FBXW7: variants seen among roughly 807,000 people sequenced by gnomAD.
The protein encoded by FBXW7 is F-box and WD repeat domain containing 7, also known as F-box/WD repeat-containing protein 7.
A neutral mutation model predicts 86.3 loss-of-function variants in FBXW7; 11 were observed. The observed-to-expected ratio is 0.13, with a 90% CI of 0.08 to 0.21. The LOEUF (loss-of-function observed/expected upper bound fraction) is 0.21. Ranked by LOEUF, FBXW7 falls within the 10% of genes least tolerant of loss-of-function variation. The pLI is 1.00. For synonymous variants in FBXW7, 313 were observed against 297.9 expected (o/e 1.05, Z -0.52); for missense variants, 488 against 847.4 (o/e 0.58, Z 5.27).
chr4:152,510,444 C>G (rs1328122339), intron 2 of FBXW7, among the ~76,000 whole-genome samples: 1 of 152,122 alleles, frequency 6.6e-6, no homozygotes, highest in East Asian at 1.9e-4. Flanking sequence ...TCAAAACTTA[C>G]GTATTATCAA....
chr4:152,484,954 T>A, intron 2 of FBXW7, among the ~76,000 whole-genome samples: 1 of 125,154 alleles, frequency 8.0e-6, no homozygotes, highest in African/African-American at 3.7e-5. Context: ...AGAGCGAGAC[T>A]CTGTCTCAAA....
chr4:152,454,219 T>G (rs940018421), intron 2 of FBXW7, among the ~76,000 whole-genome samples: 1 of 151,394 alleles, frequency 6.6e-6, no homozygotes, highest in East Asian at 1.9e-4. Context: ...TACTGCTTCT[T>G]ATATCTCTTT....
At chr4:152,436,182 T>C (rs927427207) in intron 2 of FBXW7, among the ~76,000 whole-genome samples, 2 of 152,208 alleles carry the variant, frequency 1.3e-5, no homozygotes, top group African/African-American at 2.4e-5. Flanking sequence ...TGAAGGAAAT[T>C]AAAAGTGCTA....
intron 12 of FBXW7, chr4:152,324,628 A>C: frequency 2.3e-6 from 1 of 440,476 alleles, no homozygotes; most frequent in Non-Finnish European, 4.1e-6. Context: ...AAGCAGCTTC[A>C]AACTAGATGC....
At chr4:152,509,813 G>T (rs1267395970) in intron 2 of FBXW7, among the ~76,000 whole-genome samples, 1 of 152,134 alleles carries the variant, frequency 6.6e-6, no homozygotes, top group Non-Finnish European at 1.5e-5. Context: ...TTGTCCTACT[G>T]ACACATACTC....
At chr4:152,496,359 C>CT (rs1289088821) in intron 2 of FBXW7, among the ~76,000 whole-genome samples, 2 of 150,948 alleles carry the variant, frequency 1.3e-5, no homozygotes, top group Non-Finnish European at 3.0e-5. Flanking sequence ...TCATAAAAAC[C>CT]TAAAAAAAAA....
At chr4:152,492,759 T>A (rs533631466) in intron 2 of FBXW7, among the ~76,000 whole-genome samples, 2 of 152,288 alleles carry the variant, frequency 1.3e-5, no homozygotes, top group East Asian at 3.9e-4. Flanking sequence ...CGTGCTTTGC[T>A]ATAGTGCAGC....
chr4:152,515,125 GAAGAATCACTTT>G (rs1748356495), intron 2 of FBXW7, among the ~76,000 whole-genome samples: 1 of 152,138 alleles, frequency 6.6e-6, no homozygotes, highest in South Asian at 2.1e-4. Flanking sequence ...AAAGCTTCAA[GAAGAATCACTTT>G]ACCCCCACAC....
chr4:152,342,458 T>C (rs1730840263), intron 6 of FBXW7, among the ~76,000 whole-genome samples: 1 of 152,242 alleles, frequency 6.6e-6, no homozygotes, highest in African/African-American at 2.4e-5. Flanking sequence ...ATTCAGTGGC[T>C]GAAGACATTT....
intron 4 of FBXW7, among the ~76,000 whole-genome samples, chr4:152,373,705 G>C (rs2126746447): frequency 6.6e-6 from 1 of 152,094 alleles, no homozygotes; most frequent in South Asian, 2.1e-4. Context: ...ATTGAGCTCT[G>C]AGTGCCTCCT....
chr4:152,356,898 TTG>T (rs1732433962), intron 4 of FBXW7, among the ~76,000 whole-genome samples: 1 of 152,214 alleles, frequency 6.6e-6, no homozygotes, highest in African/African-American at 2.4e-5. Context: ...AGCACCTACT[TTG>T]TGTTGGGCAC....
chr4:152,367,434 CATCAGCATCTCCCATTGAG>C (rs1733591348), intron 4 of FBXW7, among the ~76,000 whole-genome samples: 1 of 151,996 alleles, frequency 6.6e-6, no homozygotes, highest in South Asian at 2.1e-4. Flanking sequence ...AGTTGCTTTT[CATCAGCATCTCCCATTGAG>C]AGAGGATATA....
intron 4 of FBXW7, among the ~76,000 whole-genome samples, chr4:152,386,404 G>A (rs542680805): frequency 2.4e-4 from 36 of 152,076 alleles, no homozygotes; most frequent in South Asian, 8.3e-4. Flanking sequence ...AGTATACAGA[G>A]TAACGCCTCA....
At chr4:152,501,182 G>T (rs1260129037) in intron 2 of FBXW7, among the ~76,000 whole-genome samples, 15 of 152,198 alleles carry the variant, frequency 9.9e-5, no homozygotes, top group Admixed American at 9.8e-4. Context: ...ATGGTACACA[G>T]TGTTTCTTCA....
chr4:152,483,727 A>C (rs904709682), intron 2 of FBXW7, among the ~76,000 whole-genome samples: 2 of 151,338 alleles, frequency 1.3e-5, no homozygotes, highest in African/African-American at 2.4e-5. Flanking sequence ...ACAAAAAAAA[A>C]CCCTTTCTGT....
At chr4:152,419,015 C>T (rs1738703701) in intron 2 of FBXW7, among the ~76,000 whole-genome samples, 1 of 152,052 alleles carries the variant, frequency 6.6e-6, no homozygotes, top group South Asian at 2.1e-4. Flanking sequence ...AGTAATCTAA[C>T]TAGCAGGCAT....
rs1728714968 is a variant in FBXW7, at chr4:152,323,337, T to C, written c.1856-188A>G. On this transcript the variant is annotated intron_variant, in intron 13 of 13. Transcript: ENST00000281708. ...GATGTAAGAAAATCTGGTAGTGATT[T>C]GTAACTGAAACATTAACTTTCAAGA... 7.3e-6 allele frequency: 5 copies of C among 687,288 alleles called. No individual in the cohort carries two copies. The East Asian group carries it at 1.4e-4, about 19-fold the overall frequency. 42.6% of individuals were successfully genotyped at this position (687,288 alleles called of 1,614,324 possible).
chr4:152,533,461 G>A (rs911258202), intron 2 of FBXW7, among the ~76,000 whole-genome samples: 1 of 152,086 alleles, frequency 6.6e-6, no homozygotes, highest in Non-Finnish European at 1.5e-5. Context: ...GTATTTTCAT[G>A]TCAGTACACA....
intron 2 of FBXW7, chr4:152,530,798 T>A (rs565457261): frequency 2.0e-5 from 3 of 152,246 alleles, no homozygotes; most frequent in Non-Finnish European, 4.4e-5. Flanking sequence ...TATGGGCCAA[T>A]TGGAGCACGG....
Sources: gnomAD v4.1 joint callset for allele counts (sites outside exome capture counted in the v4.1 genomes callset) on GRCh38, gnomAD v4.1.1 for gene constraint, MANE v1.5 for transcripts, NCBI Gene and HGNC (gene_info 2026-07-23, HGNC 2026-07-21) for gene names.